UCKL1: variants seen among roughly 807,000 people sequenced by gnomAD.
The protein encoded by UCKL1 is uridine-cytidine kinase-like 1.
UCKL1 carries 65 observed loss-of-function variants against 59.2 expected under a neutral mutation model. The ratio of observed to expected loss-of-function variants is 1.10; its 90% CI spans 0.90 to 1.35. The LOEUF (loss-of-function observed/expected upper bound fraction) is 1.35, where lower values mean the gene tolerates loss of function less well. UCKL1 is among the 40% of genes most tolerant of loss of function. The pLI, the probability that UCKL1 is intolerant of heterozygous loss-of-function variation, is 0.00. For synonymous variants in UCKL1, 410 were observed against 323.1 expected (o/e 1.27, Z -2.88); for missense variants, 703 against 784.3 (o/e 0.90, Z 1.24).
chr20:63,951,276 C>G (rs2057542942), intron 1 of UCKL1: 1 of 878,198 alleles, frequency 1.1e-6, no homozygotes, highest in Non-Finnish European at 1.4e-6. Flanking sequence ...TCGGTGTGAA[C>G]TGCCCCCTCC....
chr20:63,944,852 A>G (rs2055707222), intron 5 of UCKL1, 118 bp from the exon 6 acceptor site: 1 of 1,293,880 alleles, frequency 7.7e-7, no homozygotes, highest in African/African-American at 1.5e-5. Context: ...CCACTTCCCC[A>G]GGGCACCCTG....
chr20:63,956,352 G>C lies in UCKL1; in HGVS notation c.21C>G (p.Arg7=). The C allele has an allele frequency of 6.5e-7, 1 of 1,541,340 alleles. No homozygotes were observed. The highest frequency in any genetic ancestry group is 8.7e-7 in the Non-Finnish European group (1 of 1,147,122). The part of the protein sequence containing the change: MAAPPA[R]ADADPSPTSP... ...ACGTGGGCGAAGGATCAGCGTCCGCGCGGGCCGGGGGCGCAGCCATGGCGC... is the reference window on the plus strand; with the variant it reads ...ACGTGGGCGAAGGATCAGCGTCCGCCCGGGCCGGGGGCGCAGCCATGGCGC... The change falls in exon 1 of 15, where the codon CGC becomes CGG. Residue 7 remains arginine (R), a synonymous_variant. Coordinates refer to ENST00000354216, the MANE Select transcript of UCKL1 (RefSeq NM_017859.4).
At chr20:63,955,097 A>T (rs1169967642) in intron 1 of UCKL1, 1 of 152,176 alleles carries the variant, frequency 6.6e-6, no homozygotes, top group Non-Finnish European at 1.5e-5. Flanking sequence ...ACAAAAAAAA[A>T]TTAGCCGGGC....
chr20:63,945,784 CT>C lies in UCKL1; in HGVS notation c.582+20del. 1.2e-6 allele frequency: 2 copies of C among 1,613,118 alleles called. No homozygotes were observed. Among genetic ancestry groups the C allele is most frequent in the South Asian group, 1.1e-5 (1 of 91,088 alleles). On this transcript the variant is annotated intron_variant, in intron 4 of 14. Coordinates refer to ENST00000354216, the MANE Select transcript of UCKL1 (RefSeq NM_017859.4). The stretch of plus-strand genomic sequence containing the variant: ...TGTGCCTGCAGCCCCCCGAGGCCCC[CT>C]CTGCAGGGCCCTGGCCTACCCAGTC...
chr20:63,942,849 G>T, intron 8 of UCKL1: 1 of 403,552 alleles, frequency 2.5e-6, no homozygotes, highest in Non-Finnish European at 5.2e-6. Context: ...GACAAGACCT[G>T]CGGGTTCCTA....
At chr20:63,953,693 A>T (rs1453498597) in intron 1 of UCKL1, 2 of 152,368 alleles carry the variant, frequency 1.3e-5, no homozygotes, top group Non-Finnish European at 2.9e-5. Context: ...CTATCTCCAA[A>T]AAAAAAAGAA....
intron 8 of UCKL1, chr20:63,942,437 TCA>T: frequency 3.4e-6 from 4 of 1,164,310 alleles, no homozygotes; most frequent in Middle Eastern, 4.0e-4. Context: ...GGAAGGCGGG[TCA>T]CACAGCAGCA....
At position 63,946,501 on chromosome 20, in the gene UCKL1, G is replaced by T; in HGVS notation, c.256C>A (p.Pro86Thr). Reference sequence around the variant, plus strand: ...TGCGTGCCGTGTTCATTGTACCAGGGCGGCCGCCCGGCGGTGTAGATGGTA... The same window carrying T: ...TGCGTGCCGTGTTCATTGTACCAGGTCGGCCGCCCGGCGGTGTAGATGGTA... The part of the protein sequence containing the change: ...KRTIYTAGRP[P>T]WYNEHGTQSK... The change falls in exon 2 of 15, where the codon CCC becomes ACC. Residue 86 changes from proline (P) to threonine (T), a missense_variant. By Grantham distance (38) the Pro-to-Thr change is conservative. Around this residue, in one of 4 missense-constraint regions of UCKL1, gnomAD observed 398 missense variants for 373.0 expected, o/e 1.07. Coordinates refer to ENST00000354216, the MANE Select transcript of UCKL1 (RefSeq NM_017859.4). 1 of 1,590,402 alleles carries T rather than the reference G, an allele frequency of 6.3e-7. No individual in the cohort carries two copies.
intron 1 of UCKL1, among the ~76,000 whole-genome samples, chr20:63,949,230 G>A (rs1601256680): frequency 6.6e-6 from 1 of 152,194 alleles, no homozygotes; most frequent in African/African-American, 2.4e-5. Context: ...GAGTGGTGAC[G>A]TCAGCAGCAG....
At chr20:63,946,352 C>T (rs1042034276) in intron 2 of UCKL1, 85 bp from the exon 3 acceptor site, 2 of 1,532,350 alleles carry the variant, frequency 1.3e-6, no homozygotes, top group African/African-American at 1.4e-5. Context: ...CCCGCTGCCG[C>T]TGCCTGCGGT....
chr20:63,952,947 C>T (rs1197758445), intron 1 of UCKL1, among the ~76,000 whole-genome samples: 8 of 152,248 alleles, frequency 5.3e-5, no homozygotes, highest in Admixed American at 4.6e-4. Flanking sequence ...CTGATGTCAT[C>T]GTCAAGAAAT....
intron 1 of UCKL1, among the ~76,000 whole-genome samples, chr20:63,947,890 T>C (rs924362348): frequency 6.6e-6 from 1 of 152,102 alleles, no homozygotes; most frequent in Non-Finnish European, 1.5e-5. Context: ...TGCCAACTTC[T>C]CCGTCAGTTT....
chr20:63,952,451 G>A (rs910518360), intron 1 of UCKL1, among the ~76,000 whole-genome samples: 5 of 152,210 alleles, frequency 3.3e-5, no homozygotes, highest in African/African-American at 1.2e-4. Context: ...CAGGCCACGT[G>A]GTCCCCAACA....
intron 1 of UCKL1, among the ~76,000 whole-genome samples, chr20:63,947,587 G>T (rs1310752409): frequency 6.6e-6 from 1 of 152,242 alleles, no homozygotes; most frequent in African/African-American, 2.4e-5. Context: ...CAGTGCCTCG[G>T]CCTGGCCTCT....
intron 1 of UCKL1, among the ~76,000 whole-genome samples, chr20:63,947,234 C>G: frequency 6.6e-6 from 1 of 152,230 alleles, no homozygotes. Flanking sequence ...GAGGCGCTAT[C>G]TTGGGGCCAT....
intron 8 of UCKL1, among the ~76,000 whole-genome samples, chr20:63,941,910 G>A (rs1286091604): frequency 6.6e-6 from 1 of 151,252 alleles, no homozygotes; most frequent in African/African-American, 2.4e-5. Flanking sequence ...AAAGCGACAG[G>A]CCACAGAATT....
rs1395677551 is a variant in UCKL1 at position 63,946,600 on chromosome 20, T to C, written c.157A>G (p.Thr53Ala). ...GTCCGCTTCCGGGGAGAGCGCCCAG[T>C]GCCCACAGGTGGCAGGAGCCTGTCC... The part of the protein sequence containing the change: ...SLDRLLPPVG[T>A]GRSPRKRTTS... The change falls in exon 2 of 15, where the codon ACT becomes GCT. Residue 53 changes from threonine (T) to alanine (A), a missense_variant. Physicochemically the swap from Thr to Ala is moderately conservative, Grantham distance 58. This residue lies in a region of UCKL1 where 398 missense variants were observed against 373.0 expected (regional missense o/e 1.07). Coordinates refer to ENST00000354216, the MANE Select transcript of UCKL1 (RefSeq NM_017859.4). The C allele has an allele frequency of 2.5e-6, 4 of 1,610,906 alleles. No homozygotes were observed. Among genetic ancestry groups the C allele is most frequent in the South Asian group, 2.2e-5 (2 of 91,062 alleles).
chr20:63,941,913 A>G (rs2054596747), intron 8 of UCKL1, among the ~76,000 whole-genome samples: 1 of 146,818 alleles, frequency 6.8e-6, no homozygotes, highest in African/African-American at 2.5e-5. Context: ...GCGACAGGCC[A>G]CAGAATTGGG....
intron 1 of UCKL1, 122 bp from the exon 2 acceptor site, chr20:63,946,765 G>T: frequency 2.9e-6 from 3 of 1,024,312 alleles, no homozygotes; most frequent in African/African-American, 1.6e-5. Context: ...AGGCGGGCAG[G>T]CTCATTGGGG....
Sources: allele counts gnomAD v4.1 joint callset (sites outside exome capture counted in the v4.1 genomes callset), GRCh38; gene constraint gnomAD v4.1.1; regional missense constraint gnomAD v4.1.1; transcripts MANE v1.5; gene names NCBI Gene and HGNC (gene_info 2026-07-23, HGNC 2026-07-21).